NXPH1: variants seen among roughly 807,000 people sequenced by gnomAD.
NXPH1 encodes the protein neurexophilin 1.
NXPH1 carries 5 observed loss-of-function variants against 23.7 expected under a neutral mutation model. The observed-to-expected ratio is 0.21, with a 90% confidence interval of 0.11 to 0.44. NXPH1 has a LOEUF of 0.44. NXPH1 is among the 20% of genes least tolerant of loss of function. NXPH1 has a pLI of 0.99. For missense variants in NXPH1, 324 were observed against 321.6 expected, an observed-to-expected ratio of 1.01 and a Z score of -0.06; for synonymous variants, 144 against 122.2, an observed-to-expected ratio of 1.18 and a Z score of -1.18.
chr7:8,569,378 G>A (rs1383613558), intron 2 of NXPH1, among the ~76,000 whole-genome samples: 1 of 151,800 alleles, frequency 6.6e-6, no homozygotes, highest in African/African-American at 2.4e-5. Flanking sequence ...GAATATTTTT[G>A]AGATAATCAA....
intron 2 of NXPH1, among the ~76,000 whole-genome samples, chr7:8,648,282 A>G (rs1316285863): frequency 6.6e-6 from 1 of 151,940 alleles, no homozygotes; most frequent in Non-Finnish European, 1.5e-5. Flanking sequence ...TCTTGTAGCC[A>G]TTAACCACTC....
At chr7:8,523,615 T>C (rs1817812050) in intron 2 of NXPH1, among the ~76,000 whole-genome samples, 1 of 152,218 alleles carries the variant, frequency 6.6e-6, no homozygotes, top group South Asian at 2.1e-4. Flanking sequence ...TCTTTTTTTC[T>C]TTTTGTTCAG....
chr7:8,640,414 T>C (rs1301898322), intron 2 of NXPH1, among the ~76,000 whole-genome samples: 1 of 151,066 alleles, frequency 6.6e-6, no homozygotes, highest in African/African-American at 2.4e-5. Context: ...CTGATTTGAA[T>C]ATTATATTTA....
chr7:8,601,776 G>T (rs1011516910), intron 2 of NXPH1, among the ~76,000 whole-genome samples: 1 of 152,140 alleles, frequency 6.6e-6, no homozygotes, highest in African/African-American at 2.4e-5. Flanking sequence ...CCAGATTTGT[G>T]ATCCAACTGG....
chr7:8,518,017 A>C (rs1210370124), intron 2 of NXPH1, among the ~76,000 whole-genome samples: 2 of 152,166 alleles, frequency 1.3e-5, no homozygotes, highest in East Asian at 3.9e-4. Context: ...AGGAAAAGCA[A>C]ATTCTTAGGT....
chr7:8,449,953 G>T (rs1408230166), intron 2 of NXPH1, among the ~76,000 whole-genome samples: 1 of 152,210 alleles, frequency 6.6e-6, no homozygotes, highest in Non-Finnish European at 1.5e-5. Context: ...TGCAGCTTCT[G>T]CTCGTGGCAT....
chr7:8,481,528 G>A (rs1584184742), intron 2 of NXPH1, among the ~76,000 whole-genome samples: 3 of 152,226 alleles, frequency 2.0e-5, no homozygotes, highest in South Asian at 4.2e-4. Flanking sequence ...CATTGATCTT[G>A]GATTTGTTCA....
At chr7:8,482,421 C>T (rs1296493098) in intron 2 of NXPH1, among the ~76,000 whole-genome samples, 1 of 152,152 alleles carries the variant, frequency 6.6e-6, no homozygotes, top group Non-Finnish European at 1.5e-5. Flanking sequence ...TCTGGAAGTA[C>T]TTATTGTTTA....
At chr7:8,641,293 A>T (rs76551245) in intron 2 of NXPH1, among the ~76,000 whole-genome samples, 7,823 of 152,286 alleles carry the variant, frequency 0.051, 393 homozygotes, top group East Asian at 0.17. Context: ...AAATAATAAA[A>T]AAGAGTTCTC....
chr7:8,620,436 T>A (rs1819842084), intron 2 of NXPH1, among the ~76,000 whole-genome samples: 1 of 152,178 alleles, frequency 6.6e-6, no homozygotes. Context: ...CTTGTCATGG[T>A]GATTAGTTCA....
At chr7:8,530,158 G>A (rs1817928479) in intron 2 of NXPH1, among the ~76,000 whole-genome samples, 1 of 152,186 alleles carries the variant, frequency 6.6e-6, no homozygotes, top group South Asian at 2.1e-4. Context: ...CCTGTTGGAA[G>A]TGGACTTACC....
chr7:8,704,354 C>T (rs1405820041), intron 2 of NXPH1, among the ~76,000 whole-genome samples: 1 of 152,118 alleles, frequency 6.6e-6, no homozygotes, highest in African/African-American at 2.4e-5. Context: ...GTGTCTTGCA[C>T]AATCGATTCT....
intron 2 of NXPH1, among the ~76,000 whole-genome samples, chr7:8,633,705 G>T (rs1176566267): frequency 6.6e-6 from 1 of 152,078 alleles, no homozygotes; most frequent in Non-Finnish European, 1.5e-5. Flanking sequence ...AAAAGAATTC[G>T]TAATTTTTAT....
At chr7:8,453,006 T>A (rs1225354006) in intron 2 of NXPH1, among the ~76,000 whole-genome samples, 1 of 152,122 alleles carries the variant, frequency 6.6e-6, no homozygotes, top group Non-Finnish European at 1.5e-5. Context: ...GAATATAGTA[T>A]CTGCAGGCCT....
intron 2 of NXPH1, among the ~76,000 whole-genome samples, chr7:8,742,165 T>A (rs1348830610): frequency 6.6e-6 from 1 of 152,120 alleles, no homozygotes. Flanking sequence ...GAATACTATA[T>A]CCATGTAAGT....
chr7:8,647,525 G>C (rs1339628298), intron 2 of NXPH1, among the ~76,000 whole-genome samples: 3 of 151,840 alleles, frequency 2.0e-5, no homozygotes, highest in African/African-American at 7.3e-5. Flanking sequence ...TGAATGTTTA[G>C]GTTTTAATGT....
intron 2 of NXPH1, among the ~76,000 whole-genome samples, chr7:8,482,153 T>G (rs972576310): frequency 1.3e-5 from 2 of 152,188 alleles, no homozygotes; most frequent in African/African-American, 4.8e-5. Context: ...TGCTTCACTT[T>G]AAAGAGCAGC....
intron 2 of NXPH1, among the ~76,000 whole-genome samples, chr7:8,632,294 T>C (rs1341302461): frequency 1.3e-5 from 2 of 152,180 alleles, no homozygotes; most frequent in African/African-American, 4.8e-5. Context: ...TTAAAACATC[T>C]CATGGCTTTT....
chr7:8,542,698 A>G (rs1818138325), intron 2 of NXPH1, among the ~76,000 whole-genome samples: 1 of 151,616 alleles, frequency 6.6e-6, no homozygotes, highest in Non-Finnish European at 1.5e-5. Flanking sequence ...AATTACTTAT[A>G]CAACAATTCA....
Sources: allele counts gnomAD v4.1 joint callset (sites outside exome capture counted in the v4.1 genomes callset), GRCh38; gene constraint gnomAD v4.1.1; transcripts MANE v1.5; gene names NCBI Gene and HGNC (gene_info 2026-07-23, HGNC 2026-07-21).